ARG2: variants seen among roughly 807,000 people sequenced by gnomAD.
The protein encoded by ARG2 is arginase 2.
ARG2 carries 21 observed loss-of-function variants against 39.4 expected under a neutral mutation model. That is an observed-to-expected ratio of 0.53 (90% CI 0.38 to 0.77). The LOEUF is 0.77. Ranked by LOEUF, ARG2 falls within the 30% of genes least tolerant of loss-of-function variation. The probability of loss-of-function intolerance (pLI) is 0.00; values close to 1 mark genes in which losing one functional copy is unlikely to be tolerated. For missense variants in ARG2, 378 were observed against 426.2 expected (o/e 0.89, Z 1.00); for synonymous variants, 150 against 156.7 (o/e 0.96, Z 0.32).
intron 2 of ARG2, among the ~76,000 whole-genome samples, chr14:67,637,854 A>G (rs1389043608): frequency 2.0e-5 from 3 of 152,258 alleles, no homozygotes; most frequent in African/African-American, 7.2e-5. Context: ...ATCCATTCGC[A>G]TTCTGTTCTG....
chr14:67,645,593 G>C (rs1277660596), intron 3 of ARG2, 50 bp from the exon 4 acceptor site: 1 of 1,581,978 alleles, frequency 6.3e-7, no homozygotes, highest in Non-Finnish European at 8.6e-7. Flanking sequence ...TTTGTTATCG[G>C]TCATGTTTGC....
At chr14:67,627,597 T>A (rs1338120944) in intron 2 of ARG2, among the ~76,000 whole-genome samples, 4 of 152,290 alleles carry the variant, frequency 2.6e-5, no homozygotes, top group Admixed American at 2.6e-4. Context: ...ACTGTAAGGC[T>A]GTATGATCCA....
rs869215946 is a variant in ARG2, at chr14:67,642,793, C to CTTTTTTTTTTTTTTTTTTTTTT, written c.362+436_362+457dup. On this transcript the variant is annotated intron_variant, in intron 3 of 7. Transcript: ENST00000261783. Reference sequence around the variant, plus strand: ...CCCCTTTGGCATGTTACTACATTTTCTTTTTTTTTTTTTTTTTTTTTTTTT... The same window carrying CTTTTTTTTTTTTTTTTTTTTTT: ...CCCCTTTGGCATGTTACTACATTTTCTTTTTTTTTTTTTTTTTTTTTTTTTTTTTTTTTTTTTTTTTTTTTTT... 2.2e-4 allele frequency among the ~76,000 whole-genome samples: 17 copies of CTTTTTTTTTTTTTTTTTTTTTT among 75,556 alleles called. 4 individuals are homozygous for CTTTTTTTTTTTTTTTTTTTTTT. The highest frequency in any genetic ancestry group is 5.5e-4 in the African/African-American group (10 of 18,252). The allele number at this position is 75,556 out of a possible 152,430, so 49.6% of individuals were successfully genotyped here.
chr14:67,626,254 A>AG (rs1215262052), intron 2 of ARG2, among the ~76,000 whole-genome samples: 1 of 150,136 alleles, frequency 6.7e-6, no homozygotes. Flanking sequence ...ACTCTGTCTC[A>AG]GGGGAAAAAA....
intron 2 of ARG2, among the ~76,000 whole-genome samples, chr14:67,631,450 T>G (rs946024109): frequency 7.3e-5 from 11 of 149,728 alleles, no homozygotes; most frequent in Admixed American, 1.3e-4. Context: ...TTTTTTTTTT[T>G]TTTGAGACAG....
At chr14:67,620,677 C>A (rs1426486593) in intron 1 of ARG2, among the ~76,000 whole-genome samples, 1 of 152,148 alleles carries the variant, frequency 6.6e-6, no homozygotes, top group East Asian at 1.9e-4. Context: ...CAGCCCCACA[C>A]ACGCCTAGCT....
chr14:67,621,814 A>C (rs557907969), intron 2 of ARG2, among the ~76,000 whole-genome samples: 1 of 151,576 alleles, frequency 6.6e-6, no homozygotes, highest in African/African-American at 2.4e-5. Context: ...ATACCTTTAT[A>C]AGCAGGGTGC....
intron 2 of ARG2, among the ~76,000 whole-genome samples, chr14:67,625,714 C>A (rs2036859222): frequency 1.5e-5 from 2 of 132,846 alleles, no homozygotes; most frequent in African/African-American, 2.9e-5. Flanking sequence ...ACTGGAAAGA[C>A]TTCATCAATG....
At position 67,620,971 on chromosome 14, in the gene ARG2, G is replaced by C. The variant is rs752757357; in HGVS notation, c.184+5G>C. The C allele has an allele frequency of 1.4e-5, 23 of 1,614,026 alleles. No individual in the cohort carries two copies. In the Admixed American group the frequency reaches 2.5e-4, roughly 18 times the overall value. ...TGAAAAGGCTCTCCAGTTTGGGTAA[G>C]TGGTTAGATTTTTAGATATTAGTGC... is the stretch of plus-strand genomic sequence containing the variant. On this transcript the variant is annotated splice_donor_5th_base_variant and intron_variant, in intron 2 of 7. Transcript: ENST00000261783.
At chr14:67,644,822 C>T (rs757558382) in intron 3 of ARG2, among the ~76,000 whole-genome samples, 6 of 152,008 alleles carry the variant, frequency 3.9e-5, no homozygotes, top group Non-Finnish European at 7.4e-5. Context: ...CATGTTGAAA[C>T]CCCATCTTTA....
chr14:67,624,886 C>T (rs1024173489), intron 2 of ARG2, among the ~76,000 whole-genome samples: 21 of 152,192 alleles, frequency 1.4e-4, no homozygotes, highest in African/African-American at 5.1e-4. Flanking sequence ...TTTTAACTTG[C>T]CCTGTTCCCA....
intron 2 of ARG2, among the ~76,000 whole-genome samples, chr14:67,624,529 G>A (rs922095404): frequency 6.6e-6 from 1 of 152,168 alleles, no homozygotes; most frequent in African/African-American, 2.4e-5. Flanking sequence ...GTCTTATATG[G>A]CAGGAGCAGG....
rs2037122249 is a variant in ARG2 at position 67,647,974 on chromosome 14, T to G, written c.723-73T>G. 6 of 1,421,946 alleles carry G rather than the reference T, an allele frequency of 4.2e-6. No individual in the cohort carries two copies. The South Asian group carries it at 6.4e-5, about 15-fold the overall frequency. The allele number at this position is 1,421,946 out of a possible 1,614,324, so 88.1% of individuals were successfully genotyped here. On this transcript the variant is annotated intron_variant, in intron 6 of 7. Transcript: ENST00000261783. The stretch of plus-strand genomic sequence containing the variant: ...CAACAAAATCAAGGAGTTGCAACCA[T>G]AAGAAGGATGAGTGTCCAAGGACAA...
At chr14:67,641,376 C>T (rs570537121) in intron 2 of ARG2, among the ~76,000 whole-genome samples, 45 of 152,252 alleles carry the variant, frequency 3.0e-4, no homozygotes, top group African/African-American at 1.1e-3. Context: ...GGGTACTCAA[C>T]CTGTACAAAC....
intron 2 of ARG2, among the ~76,000 whole-genome samples, chr14:67,632,279 G>A (rs556620711): frequency 1.3e-5 from 2 of 152,262 alleles, no homozygotes; most frequent in Admixed American, 6.5e-5. Context: ...TTTTTGTTAT[G>A]GAAGTATTCA....
In ARG2 at chr14:67,619,985, T is replaced by C. The variant is rs773916534; in HGVS notation, c.8T>C (p.Leu3Pro). 2.8e-5 allele frequency: 45 copies of C among 1,601,982 alleles called. No homozygotes were observed. Among genetic ancestry groups the C allele is most frequent in the Non-Finnish European group, 3.7e-5 (43 of 1,174,582 alleles). The change falls in exon 1 of 8, where the codon CTA (leucine) becomes CCA (proline). Residue 3 changes from leucine (L) to proline (P), a missense_variant. Transcript: ENST00000261783. The part of the protein sequence containing the change: MS[L>P]RGSLSRLLQT... ...TTCTCAGTGCTGCGGATCATGTCCCTAAGGGGCAGCCTCTCGCGTCTCCTC... is the reference window on the plus strand; with the variant it reads ...TTCTCAGTGCTGCGGATCATGTCCCCAAGGGGCAGCCTCTCGCGTCTCCTC...
intron 2 of ARG2, among the ~76,000 whole-genome samples, chr14:67,629,710 T>C (rs1400149503): frequency 6.6e-6 from 1 of 152,246 alleles, no homozygotes; most frequent in Non-Finnish European, 1.5e-5. Context: ...ATGTTATTTA[T>C]AGTTAATAAC....
At chr14:67,636,223 G>C (rs769498522) in intron 2 of ARG2, among the ~76,000 whole-genome samples, 2 of 151,706 alleles carry the variant, frequency 1.3e-5, no homozygotes, top group African/African-American at 2.4e-5. Flanking sequence ...AGCAACAGGG[G>C]TCACAGCAGT....
At chr14:67,630,376 C>T (rs1420454419) in intron 2 of ARG2, among the ~76,000 whole-genome samples, 1 of 152,184 alleles carries the variant, frequency 6.6e-6, no homozygotes, top group Non-Finnish European at 1.5e-5. Context: ...TCTGGTGCTA[C>T]TGGCAAGGCC....
Sources: allele counts gnomAD v4.1 joint callset (sites outside exome capture counted in the v4.1 genomes callset), GRCh38; gene constraint gnomAD v4.1.1; transcripts MANE v1.5; gene names NCBI Gene and HGNC (gene_info 2026-07-23, HGNC 2026-07-21).